Variants in CALCR observed in about 807,000 individuals in gnomAD.
The protein encoded by CALCR is calcitonin receptor.
Under a neutral mutation model 59.5 loss-of-function variants are expected in CALCR, and 47 were observed. The ratio of observed to expected loss-of-function variants is 0.79; its 90% CI spans 0.63 to 1.01. The LOEUF is 1.01. Among genes scored for constraint, CALCR ranks in the 50% least tolerant of loss-of-function variants. The pLI is 0.00. For synonymous variants in CALCR, 213 were observed against 211.3 expected (o/e 1.01, Z -0.07); for missense variants, 566 against 597.1 (o/e 0.95, Z 0.54).
In CALCR at chr7:93,440,252, A is replaced by T. The variant is rs182676008; in HGVS notation, c.803-1982T>A. ...GGCATTGTAAAATTTAGAACCTATC[A>T]TACTGTCTTCATGTGAAAAAAATTT... On this transcript the variant is annotated intron_variant, in intron 9 of 13. Transcript: ENST00000426151. 1.0e-3 allele frequency among the ~76,000 whole-genome samples: 157 copies of T among 152,272 alleles called. 1 individual carries two copies. The highest frequency in any genetic ancestry group is 3.6e-3 in the African/African-American group (151 of 41,552).
Position 93,436,055 on chromosome 7 carries a change from A to T in CALCR, c.1046T>A (p.Val349Glu). The T allele has an allele frequency of 1.9e-6, 3 of 1,613,876 alleles. No individual in the cohort carries two copies. Among genetic ancestry groups the T allele is most frequent in the Non-Finnish European group, 2.5e-6 (3 of 1,179,790 alleles). The change falls in exon 12 of 14, where the codon GTG becomes GAG. Residue 349 changes from valine to glutamate, a missense_variant. By Grantham distance (121) the Val-to-Glu change is moderately radical. Transcript: ENST00000426151. ...GACAAACTGGATTCCCAGCAGGGGC[A>T]CAAGGATCATGGTGGCCTTCACAGC... ...LKAVKATMIL[V>E]PLLGIQFVVF...
chr7:93,519,726 T>G (rs1233027701), intron 2 of CALCR, among the ~76,000 whole-genome samples: 1 of 152,044 alleles, frequency 6.6e-6, no homozygotes, highest in Non-Finnish European at 1.5e-5. Context: ...TGGGAGGTGA[T>G]TAAATCATGG....
chr7:93,428,241 T>C (rs949038259), intron 13 of CALCR, among the ~76,000 whole-genome samples: 5 of 152,240 alleles, frequency 3.3e-5, no homozygotes, highest in Non-Finnish European at 7.3e-5. Flanking sequence ...TATTAACTTA[T>C]TTAATCCTCA....
chr7:93,496,330 C>T (rs957630966), intron 2 of CALCR, among the ~76,000 whole-genome samples: 1 of 151,408 alleles, frequency 6.6e-6, no homozygotes, highest in Non-Finnish European at 1.5e-5. Context: ...TTGATGTTAA[C>T]TCTTCATTTC....
chr7:93,437,129 G>C (rs933429356), intron 11 of CALCR, among the ~76,000 whole-genome samples: 1 of 151,930 alleles, frequency 6.6e-6, no homozygotes, highest in South Asian at 2.1e-4. Context: ...GTCATTCACA[G>C]TGAAGTATGC....
intron 2 of CALCR, among the ~76,000 whole-genome samples, chr7:93,567,657 C>T (rs1183979135): frequency 6.6e-6 from 1 of 152,050 alleles, no homozygotes; most frequent in Non-Finnish European, 1.5e-5. Flanking sequence ...CTCATCAACT[C>T]GTCATTTACA....
intron 2 of CALCR, among the ~76,000 whole-genome samples, chr7:93,551,743 A>G (rs2116230636): frequency 6.6e-6 from 1 of 152,188 alleles, no homozygotes; most frequent in East Asian, 1.9e-4. Flanking sequence ...AGGTATCTGT[A>G]GTTTTGGACT....
At chr7:93,573,313 T>G (rs1790046954) in intron 2 of CALCR, among the ~76,000 whole-genome samples, 2 of 152,228 alleles carry the variant, frequency 1.3e-5, no homozygotes, top group Admixed American at 6.5e-5. Context: ...ACTCGGACGC[T>G]CTGTAATTTA....
chr7:93,461,831 C>T (rs922612263), intron 7 of CALCR, among the ~76,000 whole-genome samples: 21 of 152,078 alleles, frequency 1.4e-4, no homozygotes, highest in African/African-American at 5.1e-4. Flanking sequence ...ATGGCTATAA[C>T]AAAATTGCGG....
At chr7:93,524,296 A>C (rs577272103) in intron 2 of CALCR, among the ~76,000 whole-genome samples, 21 of 151,150 alleles carry the variant, frequency 1.4e-4, no homozygotes, top group Admixed American at 1.3e-3. Context: ...CAGCCTCCCG[A>C]GTAGCTGGGA....
At chr7:93,504,584 A>G (rs1468309203) in intron 2 of CALCR, among the ~76,000 whole-genome samples, 1 of 152,196 alleles carries the variant, frequency 6.6e-6, no homozygotes, top group Admixed American at 6.5e-5. Context: ...ACCATGATCC[A>G]TAAGTTTTTA....
At chr7:93,519,082 ATCT>A (rs1415915370) in intron 2 of CALCR, among the ~76,000 whole-genome samples, 6 of 151,912 alleles carry the variant, frequency 3.9e-5, no homozygotes, top group Admixed American at 3.3e-4. Flanking sequence ...GCTGTATATA[ATCT>A]TCTATTTTTT....
chr7:93,553,042 C>G (rs964409890), intron 2 of CALCR, among the ~76,000 whole-genome samples: 1 of 152,194 alleles, frequency 6.6e-6, no homozygotes, highest in African/African-American at 2.4e-5. Context: ...CACCTGACCT[C>G]ACACCTTCTT....
rs4015269 is a variant in CALCR, at chr7:93,568,509, TTCTCTCTCTCTCTCTCTCTCTCTCTC to T, written c.-27+5754_-27+5779del. Among the ~76,000 whole-genome samples, 73 of 102,430 alleles carry T rather than the reference TTCTCTCTCTCTCTCTCTCTCTCTCTC, an allele frequency of 7.1e-4. 1 individual carries two copies. The South Asian group carries it at 0.02, about 28-fold the overall frequency. 67.2% of individuals were successfully genotyped at this position (102,430 alleles called of 152,430 possible). A position where few individuals can be genotyped will look rare whatever the true frequency, so the allele number is the denominator to read the frequency against. ...CCTCCCTGGTTTCCATAAAATTACT[TTCTCTCTCTCTCTCTCTCTCTCTCTC>T]TCTCTCTCTCTCTCTCTCTCTGTCT... On this transcript the variant is annotated intron_variant, in intron 2 of 13. Coordinates refer to ENST00000426151, the MANE Select transcript of CALCR (RefSeq NM_001742.4).
intron 2 of CALCR, among the ~76,000 whole-genome samples, chr7:93,564,555 C>A (rs1010822983): frequency 6.6e-6 from 1 of 152,016 alleles, no homozygotes; most frequent in Non-Finnish European, 1.5e-5. Context: ...CGGGTTCAAG[C>A]GATTCTCCTG....
At chr7:93,473,540 A>G (rs2115861421) in intron 5 of CALCR, among the ~76,000 whole-genome samples, 1 of 151,496 alleles carries the variant, frequency 6.6e-6, no homozygotes, top group Non-Finnish European at 1.5e-5. Flanking sequence ...GGTACCTGGA[A>G]GTTGGATTTG....
intron 2 of CALCR, among the ~76,000 whole-genome samples, chr7:93,546,213 T>C (rs1789281398): frequency 1.3e-5 from 2 of 152,162 alleles, no homozygotes; most frequent in Admixed American, 1.3e-4. Context: ...CCCTATGTCC[T>C]GTATTTCCCA....
chr7:93,431,701 C>A (rs1400741855), intron 13 of CALCR, among the ~76,000 whole-genome samples: 2 of 152,156 alleles, frequency 1.3e-5, no homozygotes, highest in African/African-American at 2.4e-5. Context: ...AGATAAGCTA[C>A]AGGAAATAAA....
chr7:93,463,256 T>C (rs1024138672), intron 7 of CALCR, among the ~76,000 whole-genome samples: 4 of 151,826 alleles, frequency 2.6e-5, no homozygotes, highest in Non-Finnish European at 4.4e-5. Flanking sequence ...AGTATATATA[T>C]ATTTAGATAG....
Sources: allele counts gnomAD v4.1 joint callset (sites outside exome capture counted in the v4.1 genomes callset), GRCh38; gene constraint gnomAD v4.1.1; transcripts MANE v1.5; gene names NCBI Gene and HGNC (gene_info 2026-07-23, HGNC 2026-07-21).